BRD1: variants seen among roughly 807,000 people sequenced by gnomAD.
BRD1 encodes bromodomain containing 1.
In BRD1, 24 loss-of-function variants were observed where a neutral mutation model predicts 107.7. That is an observed-to-expected ratio of 0.22 (90% CI 0.16 to 0.31). BRD1 has a LOEUF of 0.31. BRD1 is among the 10% of genes least tolerant of loss of function. BRD1 has a pLI of 1.00. For missense variants in BRD1, 1,279 were observed against 1,638.6 expected, an observed-to-expected ratio of 0.78 and a Z score of 3.79; for synonymous variants, 744 against 686.1, an observed-to-expected ratio of 1.08 and a Z score of -1.32.
At position 49,777,833 on chromosome 22, in the gene BRD1, G is replaced by A; in HGVS notation, c.2858-20C>T. 1 of 1,584,448 alleles carries A rather than the reference G, an allele frequency of 6.3e-7. No individual in the cohort carries two copies. The highest frequency in any genetic ancestry group is 8.6e-7 in the Non-Finnish European group (1 of 1,168,774). On this transcript the variant is annotated intron_variant, in intron 8 of 12. Coordinates refer to ENST00000404760, the MANE Select transcript of BRD1 (RefSeq NM_001304808.3). ...TGAGACCTGGAACACAGGCGGGCAG[G>A]CCCTGAGCTCAGCACAACCAGGGCA...
rs1472261454 is a variant in BRD1 at position 49,777,731 on chromosome 22, G to A, written c.2940C>T (p.Arg980=). The change falls in exon 9 of 13, where the codon CGC becomes CGT. Residue 980 remains arginine (R), a synonymous_variant. Transcript: ENST00000404760. ...AGGAGATGCTGGACTCGGAGGCACAGCGTCGTCGGGGTGTGGCCTTCCTCC... is the reference window on the plus strand; with the variant it reads ...AGGAGATGCTGGACTCGGAGGCACAACGTCGTCGGGGTGTGGCCTTCCTCC... ...GLGRKATPRR[R]CASESSISSS... 1 of 1,607,514 alleles carries A rather than the reference G, an allele frequency of 6.2e-7. No homozygotes were observed.
rs530349361 is a variant in BRD1 at position 49,792,620 on chromosome 22, C to G, written c.2359+1414G>C. On this transcript the variant is annotated intron_variant, in intron 7 of 12. Transcript: ENST00000404760. The surrounding 1 kb of genome is among the most constrained non-coding windows in gnomAD (Gnocchi z 4.2). ...AATAGAAAAGCCTTTATTCTATGGA[C>G]CTAACGTAATTGACGCCAGCCCCAA... is the stretch of plus-strand genomic sequence containing the variant. 9.3e-4 allele frequency among the ~76,000 whole-genome samples: 142 copies of G among 152,298 alleles called. No individual in the cohort carries two copies. Among genetic ancestry groups the G allele is most frequent in the African/African-American group, 3.0e-3 (124 of 41,560 alleles).
intron 11 of BRD1, 73 bp from the exon 12 acceptor site, chr22:49,775,818 C>CCCCCCA: frequency 7.8e-7 from 1 of 1,281,234 alleles, no homozygotes; most frequent in Non-Finnish European, 1.0e-6. Context: ...CACTGGCACC[C>CCCCCCA]CCCCCCGCCT....
chr22:49,775,991 C>T (rs567081609), intron 11 of BRD1, 59 bp downstream of exon 11: 22 of 1,497,246 alleles, frequency 1.5e-5, no homozygotes, highest in Admixed American at 7.3e-5. Context: ...GGACCACCCC[C>T]GCCCCGCAGC....
Position 49,773,864 on chromosome 22 carries a change from T to G in BRD1, c.*369A>C. ...GTCATTTTCTTTCTTAAAATACACA[T>G]TTGTCATTGTAAATTTACATCCCGT... On this transcript the variant is annotated 3_prime_UTR_variant, in exon 13 of 13. Transcript: ENST00000404760. The G allele has an allele frequency of 6.0e-6, 1 of 167,074 alleles. No individual in the cohort carries two copies. Among genetic ancestry groups the G allele is most frequent in the Non-Finnish European group, 1.3e-5 (1 of 78,024 alleles). The allele number at this position is 167,074 out of a possible 1,614,324, so 10.3% of individuals were successfully genotyped here.
rs768789408 is a variant in BRD1, at chr22:49,776,116, G to A, written c.3165C>T (p.Ala1055=). ...SSMWISTDAA[A]SVLEPLKVVW... ...CCACCTTCAGAGGCTCCAGCACCGA[G>A]GCGGCGGCATCAGTGGAGATCCACA... Residue 1055 remains alanine, a synonymous_variant, in exon 11 of 13, where the codon GCC becomes GCT. Transcript: ENST00000404760. 1 of 1,605,208 alleles carries A rather than the reference G, an allele frequency of 6.2e-7. No individual in the cohort carries two copies. The highest frequency in any genetic ancestry group is 8.5e-7 in the Non-Finnish European group (1 of 1,179,218).
At position 49,823,030 on chromosome 22, in the gene BRD1, C is replaced by G. The variant is rs762105541; in HGVS notation, c.1288G>C (p.Ala430Pro). Residue 430 changes from alanine (A) to proline (P), a missense_variant, in exon 2 of 13, where the codon GCA (alanine) becomes CCA (proline). Transcript: ENST00000404760. ...GCCAGAGCTTTCTTAGCCTTTTTTGCCTTCTTCCTGACCTTGGATGTGGAC... is the reference window on the plus strand; with the variant it reads ...GCCAGAGCTTTCTTAGCCTTTTTTGGCTTCTTCCTGACCTTGGATGTGGAC... ...VRSTSKVRKK[A>P]KKAKKALAEP... 2.5e-6 allele frequency: 4 copies of G among 1,614,154 alleles called. No homozygotes were observed. In the Admixed American group the frequency reaches 6.7e-5, roughly 27 times the overall value.
chr22:49,800,487 G>A (rs1343438522), intron 3 of BRD1, among the ~76,000 whole-genome samples: 1 of 152,172 alleles, frequency 6.6e-6, no homozygotes, highest in Non-Finnish European at 1.5e-5. Flanking sequence ...CCCTCAGCTT[G>A]CAATCGACAC....
At chr22:49,786,090 C>G (rs77805070) in intron 8 of BRD1, among the ~76,000 whole-genome samples, 16,124 of 150,252 alleles carry the variant, frequency 0.11, 1,165 homozygotes, top group African/African-American at 0.2. Flanking sequence ...TCTCTCACTG[C>G]TCAAGTGCAC....
intron 6 of BRD1, among the ~76,000 whole-genome samples, chr22:49,794,562 T>G (rs999083000): frequency 2.0e-5 from 3 of 152,142 alleles, no homozygotes; most frequent in African/African-American, 7.2e-5. Flanking sequence ...CCAGGTAAGA[T>G]CGCAACCTCT....
At position 49,787,394 on chromosome 22, in the gene BRD1, G is replaced by T. The variant is rs144715179; in HGVS notation, c.2853C>A (p.Asp951Glu). ...AGGGCCGCCCGCGGCATTTACCTGC[G>T]TCCAGGCGCTTTCCTGGGGACTCCT... ...VEEESPGKRL[D>E]AGLTNGFGGA... is the part of the protein sequence containing the mutation. The change falls in exon 8 of 13, where the codon GAC (aspartate) becomes GAA (glutamate). Residue 951 changes from aspartate to glutamate, a missense_variant. Physicochemically the swap from Asp to Glu is conservative, Grantham distance 45. Transcript: ENST00000404760. 1 of 1,606,266 alleles carries T rather than the reference G, an allele frequency of 6.2e-7. No homozygotes were observed. Among genetic ancestry groups the T allele is most frequent in the Admixed American group, 1.7e-5 (1 of 58,766 alleles).
chr22:49,802,008 A>C (rs1332919787), intron 3 of BRD1, among the ~76,000 whole-genome samples: 1 of 152,152 alleles, frequency 6.6e-6, no homozygotes, highest in Non-Finnish European at 1.5e-5. Context: ...CTTTCCATGG[A>C]ATCTGCCCTT....
rs2059444502 is a variant in BRD1 at position 49,792,022 on chromosome 22, T to C, written c.2359+2012A>G. ...GGTCTCCAAAGGCTCCTGCTAAGCG[T>C]TGGGTGTTATGAGGAGCCACGCTCA... is the stretch of plus-strand genomic sequence containing the variant. On this transcript the variant is annotated intron_variant, in intron 7 of 12. Transcript: ENST00000404760. The surrounding 1 kb of genome is among the most constrained non-coding windows in gnomAD (Gnocchi z 4.2). Among the ~76,000 whole-genome samples, 2 of 151,742 alleles carry C rather than the reference T, an allele frequency of 1.3e-5. No homozygotes were observed. Among genetic ancestry groups the C allele is most frequent in the South Asian group, 2.1e-4 (1 of 4,770 alleles).
At chr22:49,805,199 G>A (rs2059717209) in intron 2 of BRD1, among the ~76,000 whole-genome samples, 1 of 152,222 alleles carries the variant, frequency 6.6e-6, no homozygotes, top group Non-Finnish European at 1.5e-5. Flanking sequence ...GCAAAGTGCT[G>A]CCCTTGGGGG....
Position 49,797,785 on chromosome 22 carries a change from G to A in BRD1, c.2098+20C>T. 1.3e-6 allele frequency: 2 copies of A among 1,567,612 alleles called. No individual in the cohort carries two copies. Among genetic ancestry groups the A allele is most frequent in the Non-Finnish European group, 1.7e-6 (2 of 1,159,214 alleles). On this transcript the variant is annotated intron_variant, in intron 6 of 12. Coordinates refer to ENST00000404760, the MANE Select transcript of BRD1 (RefSeq NM_001304808.3). ...GAAAGAGCGTCTTCCACCTCCTCCG[G>A]ACACGGCGCCAGTTCTTACCGTCTT...
intron 8 of BRD1, among the ~76,000 whole-genome samples, chr22:49,779,423 G>T (rs2146950847): frequency 6.6e-6 from 1 of 152,196 alleles, no homozygotes; most frequent in East Asian, 1.9e-4. Context: ...TTGGGCGGGT[G>T]CACTGCTGCC....
chr22:49,788,013 C>T (rs1426469796), intron 7 of BRD1, 126 bp from the exon 8 acceptor site: 9 of 994,920 alleles, frequency 9.0e-6, no homozygotes, highest in Non-Finnish European at 1.3e-5. Flanking sequence ...ATCGCATGTA[C>T]TGTCTGCTCG....
chr22:49,824,644 T>C lies in BRD1; in HGVS notation c.-14-313A>G. On this transcript the variant is annotated intron_variant, in intron 1 of 12. Transcript: ENST00000404760. The surrounding 1 kb of genome is among the most constrained non-coding windows in gnomAD (Gnocchi z 5.9). ...CAGGCTGCGGAGACCACAGCAACGC[T>C]CCCCAAGGAGGAGGGGTCCGGCCCA... 8.7e-7 allele frequency: 1 copy of C among 1,153,586 alleles called. No individual in the cohort carries two copies. Among genetic ancestry groups the C allele is most frequent in the Non-Finnish European group, 1.1e-6 (1 of 931,476 alleles). 71.5% of individuals were successfully genotyped at this position (1,153,586 alleles called of 1,614,324 possible). A position where few individuals can be genotyped will look rare whatever the true frequency, so the allele number is the denominator to read the frequency against.
chr22:49,826,656 C>T (rs1374775762), intron 1 of BRD1, among the ~76,000 whole-genome samples: 1 of 152,218 alleles, frequency 6.6e-6, no homozygotes, highest in Non-Finnish European at 1.5e-5. Flanking sequence ...GGCCGCTGAG[C>T]TGTGCGAAGT....
Sources: gnomAD v4.1 joint callset for allele counts (sites outside exome capture counted in the v4.1 genomes callset) on GRCh38, gnomAD v4.1.1 for gene constraint, Gnocchi (gnomAD v3.1) non-coding constraint, MANE v1.5 for transcripts, NCBI Gene and HGNC (gene_info 2026-07-23, HGNC 2026-07-21) for gene names.